JCAD: variants seen among roughly 807,000 people sequenced by gnomAD.
The protein encoded by JCAD is junctional cadherin 5 associated, also known as junctional cadherin 5-associated protein.
A neutral mutation model predicts 98.0 loss-of-function variants in JCAD; 40 were observed. That is an observed-to-expected ratio of 0.41 (90% CI 0.32 to 0.53). The LOEUF (loss-of-function observed/expected upper bound fraction) is 0.53. Among genes scored for constraint, JCAD ranks in the 20% least tolerant of loss-of-function variants. JCAD has a pLI of 0.31. For missense variants in JCAD, 1,705 were observed against 1,738.1 expected (o/e 0.98, Z 0.34); for synonymous variants, 691 against 682.3 (o/e 1.01, Z -0.20).
Position 30,028,162 on chromosome 10 carries a change from A to G in JCAD, c.1986T>C (p.Asn662=). ...LGEPEEDRQT[N]DLSFIHLTKH... is the part of the protein sequence containing the mutation. The stretch of plus-strand genomic sequence containing the variant: ...TTGTAAGGTGGATGAAACTGAGGTC[A>G]TTTGTTTGTCTGTCTTCTTCTGGTT... Residue 662 remains asparagine (N), a synonymous_variant, in exon 3 of 4, where the codon AAT becomes AAC. Transcript: ENST00000375377. The G allele has an allele frequency of 6.2e-7, 1 of 1,614,110 alleles. No homozygotes were observed. The highest frequency in any genetic ancestry group is 2.2e-5 in the East Asian group (1 of 44,878).
intron 1 of JCAD, among the ~76,000 whole-genome samples, chr10:30,053,155 T>G (rs1837502253): frequency 6.6e-6 from 1 of 151,806 alleles, no homozygotes; most frequent in Non-Finnish European, 1.5e-5. Flanking sequence ...AAGCAATGCT[T>G]GTTGTTGGTA....
chr10:30,027,465 T>TCGG lies in JCAD; in HGVS notation c.2680_2682dup (p.Pro894dup), dbSNP rs1285879448. 2.4e-5 allele frequency: 38 copies of TCGG among 1,605,424 alleles called. No homozygotes were observed. Among genetic ancestry groups the TCGG allele is most frequent in the Non-Finnish European group, 3.2e-5 (38 of 1,179,994 alleles). ...ACAGGGCTCTCCGGCACCCACATCC[T>TCGG]CGGCTGTGGCTCAACCCTCATTTCC... On this transcript the variant is annotated inframe_insertion, in exon 3 of 4. Coordinates refer to ENST00000375377, the MANE Select transcript of JCAD (RefSeq NM_020848.4).
At chr10:30,076,580 C>T (rs569791720) in intron 1 of JCAD, among the ~76,000 whole-genome samples, 23 of 152,248 alleles carry the variant, frequency 1.5e-4, no homozygotes, top group African/African-American at 5.3e-4. Flanking sequence ...TAGAAACAAG[C>T]CTTCCCTTTT....
At chr10:30,067,329 T>G (rs940297065) in intron 2 of JCAD, among the ~76,000 whole-genome samples, 1 of 151,302 alleles carries the variant, frequency 6.6e-6, no homozygotes, top group African/African-American at 2.4e-5. Flanking sequence ...TTTTTTCTGT[T>G]TTTTTTTTGA....
chr10:30,058,770 T>C (rs1278551929), intron 1 of JCAD, among the ~76,000 whole-genome samples: 1 of 151,860 alleles, frequency 6.6e-6, no homozygotes, highest in African/African-American at 2.4e-5. Context: ...ATGAGATAAT[T>C]AACGGGATTT....
intron 3 of JCAD, 98 bp downstream of exon 3, chr10:30,026,005 G>T: frequency 7.3e-7 from 1 of 1,369,386 alleles, no homozygotes; most frequent in Non-Finnish European, 1.0e-6. Flanking sequence ...GATCTTTTCT[G>T]AATATGCAGA....
intron 1 of JCAD, among the ~76,000 whole-genome samples, chr10:30,111,750 T>A (rs1419431305): frequency 1.3e-5 from 2 of 152,118 alleles, no homozygotes; most frequent in Non-Finnish European, 2.9e-5. Context: ...GTGATTCAAA[T>A]CCACAGTGAG....
intron 2 of JCAD, among the ~76,000 whole-genome samples, chr10:30,039,797 C>T (rs1317499904): frequency 6.6e-6 from 1 of 152,048 alleles, no homozygotes; most frequent in Non-Finnish European, 1.5e-5. Context: ...GGTTTAAAGG[C>T]CAACACCACG....
chr10:30,034,357 C>A (rs1400569556), intron 2 of JCAD, among the ~76,000 whole-genome samples: 1 of 152,130 alleles, frequency 6.6e-6, no homozygotes, highest in East Asian at 1.9e-4. Context: ...TATCCAAAAT[C>A]AATCTGAGGT....
rs780661623 is a variant in JCAD, at chr10:30,029,729, G to A, written c.419C>T (p.Ala140Val). 1.9e-6 allele frequency: 3 copies of A among 1,614,206 alleles called. No homozygotes were observed. The highest frequency in any genetic ancestry group is 2.5e-6 in the Non-Finnish European group (3 of 1,180,030). Residue 140 changes from alanine to valine, a missense_variant, in exon 3 of 4, where the codon GCC becomes GTC. By Grantham distance (64) the Ala-to-Val change is moderately conservative. Transcript: ENST00000375377. Reference sequence around the variant, plus strand: ...GTGGACAGGCAGGCTGTGGGCTTGGGCCATTCCTCTGGCCTCCAGGTTTTC... The same window carrying A: ...GTGGACAGGCAGGCTGTGGGCTTGGACCATTCCTCTGGCCTCCAGGTTTTC... ...EHENLEARGMAQAHSLPVHVR... is the reference protein window; with the variant it reads ...EHENLEARGMVQAHSLPVHVR...
rs1366445655 is a variant in JCAD at position 30,029,881 on chromosome 10, G to T, written c.282-15C>A. The T allele has an allele frequency of 6.2e-7, 1 of 1,606,558 alleles. No homozygotes were observed. The highest frequency in any genetic ancestry group is 8.5e-7 in the Non-Finnish European group (1 of 1,176,044). On this transcript the variant is annotated splice_polypyrimidine_tract_variant and intron_variant, in intron 2 of 3. Coordinates refer to ENST00000375377, the MANE Select transcript of JCAD (RefSeq NM_020848.4). ...GATTACAAAACCTACAAAACAAAGA[G>T]TCACAGACGTTAGGCACAGAAGAAA...
Position 30,027,440 on chromosome 10 carries a change from A to C in JCAD, c.2708T>G (p.Val903Gly), listed in dbSNP as rs756883177. ...QPRMWVPESP[V>G]CRSGRGESKS... ...ACTCTCACCTCTTCCCGACCTACAC[A>C]CAGGGCTCTCCGGCACCCACATCCT... The change falls in exon 3 of 4, where the codon GTG (valine) becomes GGG (glycine). Residue 903 changes from valine to glycine, a missense_variant. By Grantham distance (109) the Val-to-Gly change is moderately radical. Transcript: ENST00000375377. 6.2e-5 allele frequency: 99 copies of C among 1,604,396 alleles called. No individual in the cohort carries two copies. Among genetic ancestry groups the C allele is most frequent in the Non-Finnish European group, 8.3e-5 (98 of 1,179,968 alleles).
At chr10:30,047,360 C>T (rs1003154680) in intron 2 of JCAD, among the ~76,000 whole-genome samples, 172 bp downstream of exon 2, 1 of 152,234 alleles carries the variant, frequency 6.6e-6, no homozygotes, top group African/African-American at 2.4e-5. Flanking sequence ...CAGAGCAAGA[C>T]TCCGTCTCAA....
chr10:30,028,628 T>TC lies in JCAD; in HGVS notation c.1519dup (p.Asp507GlyfsTer22), dbSNP rs1836899367. On this transcript the variant is annotated frameshift_variant, in exon 3 of 4. Transcript: ENST00000375377. LOFTEE classifies it high-confidence loss of function. The stretch of plus-strand genomic sequence containing the variant: ...GTTGGGGAGGCCACTGTTTTCCCCA[T>TC]CCCCGGGGGGCTGGCCCCACAGCCA... 1 of 1,610,400 alleles carries TC rather than the reference T, an allele frequency of 6.2e-7. No homozygotes were observed. The highest frequency in any genetic ancestry group is 8.5e-7 in the Non-Finnish European group (1 of 1,178,058).
intron 1 of JCAD, among the ~76,000 whole-genome samples, chr10:30,070,004 T>A (rs898177528): frequency 5.9e-5 from 9 of 152,034 alleles, no homozygotes; most frequent in Admixed American, 2.0e-4. Flanking sequence ...GACATGTATA[T>A]CAAGCAGATG....
intron 1 of JCAD, among the ~76,000 whole-genome samples, chr10:30,107,900 A>G (rs1838615056): frequency 6.6e-6 from 1 of 152,002 alleles, no homozygotes; most frequent in Non-Finnish European, 1.5e-5. Flanking sequence ...TTAAAACTTA[A>G]AAAAAAATGG....
rs199594542 is a variant in JCAD, at chr10:30,026,538, T to G, written c.3610A>C (p.Lys1204Gln). ...AAGGGTGGTTTTGTTTCCACATCCT[T>G]TTGTTCGAAGAACTTGGACTCCAAG... is the stretch of plus-strand genomic sequence containing the variant. ...SPLESKFFEQKDVETKPPFRS... is the reference protein window; with the variant it reads ...SPLESKFFEQQDVETKPPFRS... Residue 1204 changes from lysine to glutamine, a missense_variant, in exon 3 of 4, where the codon AAG becomes CAG. Lys to Gln is a moderately conservative substitution (Grantham distance 53). Around this residue, in one of 3 missense-constraint regions of JCAD, gnomAD observed 1,278 missense variants for 1,243.1 expected, o/e 1.03. Coordinates refer to ENST00000375377, the MANE Select transcript of JCAD (RefSeq NM_020848.4). The G allele has an allele frequency of 1.5e-5, 24 of 1,614,086 alleles. No homozygotes were observed. The highest frequency in any genetic ancestry group is 1.9e-5 in the Non-Finnish European group (23 of 1,180,040).
chr10:30,032,003 C>T (rs1315928712), intron 2 of JCAD, among the ~76,000 whole-genome samples: 2 of 152,046 alleles, frequency 1.3e-5, no homozygotes, highest in East Asian at 3.9e-4. Flanking sequence ...ATCCGCCCGC[C>T]TCGGCCTCCC....
intron 1 of JCAD, among the ~76,000 whole-genome samples, chr10:30,089,573 G>T (rs1045242804): frequency 1.3e-5 from 2 of 151,020 alleles, no homozygotes; most frequent in Non-Finnish European, 2.9e-5. Flanking sequence ...GGCTGTCAGG[G>T]ATGGAAATGT....
Sources: gnomAD v4.1 joint callset for allele counts (sites outside exome capture counted in the v4.1 genomes callset) on GRCh38, gnomAD v4.1.1 for gene constraint, gnomAD v4.1.1 regional missense constraint, MANE v1.5 for transcripts, NCBI Gene and HGNC (gene_info 2026-07-23, HGNC 2026-07-21) for gene names.